Variants in NEMP2 observed in about 807,000 individuals in gnomAD.
NEMP2 encodes UPF0571 transmembrane protein.
A neutral mutation model predicts 54.2 loss-of-function variants in NEMP2; 53 were observed. The observed-to-expected ratio is 0.98, with a 90% CI of 0.78 to 1.23. NEMP2 has a LOEUF of 1.23. Among genes scored for constraint, NEMP2 ranks in the 50% most tolerant of loss-of-function variants. The pLI, the probability that NEMP2 is intolerant of heterozygous loss-of-function variation, is 0.00. For synonymous variants in NEMP2, 197 were observed against 190.3 expected (o/e 1.04, Z -0.29); for missense variants, 455 against 511.3 (o/e 0.89, Z 1.06).
chr2:190,558,574 T>C, the NEMP2 span, among the ~76,000 whole-genome samples: 2 of 152,242 alleles, frequency 1.3e-5, no homozygotes, highest in Non-Finnish European at 2.9e-5. The surrounding 1 kb of genome is among the most constrained non-coding windows in gnomAD (Gnocchi z 4.4). Flanking sequence ...AAAATTGTTA[T>C]AGCTGGTAAT....
At chr2:190,627,275 G>C in the NEMP2 span, among the ~76,000 whole-genome samples, 1 of 152,166 alleles carries the variant, frequency 6.6e-6, no homozygotes, top group East Asian at 1.9e-4. This position sits in a 1 kb window ranked among gnomAD's most constrained non-coding sequence, Gnocchi z 4.4. Context: ...ACTTTTCTTT[G>C]ACTATATGGC....
chr2:190,637,210 A>G, the NEMP2 span, among the ~76,000 whole-genome samples: 1 of 152,266 alleles, frequency 6.6e-6, no homozygotes, highest in Non-Finnish European at 1.5e-5. This position sits in a 1 kb window ranked among gnomAD's most constrained non-coding sequence, Gnocchi z 4.5. Context: ...GTGCAGTTCA[A>G]TGATTACAAA....
At chr2:190,534,483 A>G in intron 1 of NEMP2, 76 bp downstream of exon 1, 2 of 1,296,904 alleles carry the variant, frequency 1.5e-6, no homozygotes, top group Non-Finnish European at 1.9e-6. Context: ...CGGGCCAAAG[A>G]GCGCGCCCTC....
chr2:190,448,145 C>A, the NEMP2 span, among the ~76,000 whole-genome samples: 133,787 of 152,178 alleles, frequency 0.88, 59,622 homozygotes, highest in East Asian at 1. Context: ...GACTGCCACC[C>A]TCTAACAGGC....
the NEMP2 span, among the ~76,000 whole-genome samples, chr2:190,576,412 G>C: frequency 1.3e-5 from 2 of 152,276 alleles, no homozygotes; most frequent in East Asian, 3.9e-4. Context: ...CAGCTTTCAA[G>C]GTTTGTTGAT....
At chr2:190,634,764 C>T in the NEMP2 span, among the ~76,000 whole-genome samples, 1 of 152,232 alleles carries the variant, frequency 6.6e-6, no homozygotes, top group African/African-American at 2.4e-5. The surrounding 1 kb of genome is among the most constrained non-coding windows in gnomAD (Gnocchi z 6.8). Flanking sequence ...CTACTGCTGT[C>T]AGCTAGACCC....
At chr2:190,562,784 A>G in the NEMP2 span, among the ~76,000 whole-genome samples, 1 of 152,190 alleles carries the variant, frequency 6.6e-6, no homozygotes, top group Non-Finnish European at 1.5e-5. This position sits in a 1 kb window ranked among gnomAD's most constrained non-coding sequence, Gnocchi z 5.0. Context: ...CACATAGGGA[A>G]AGAAAAGTAC....
Position 190,510,415 on chromosome 2 carries a change from CGGCAGGCCCG to C in NEMP2, c.1066_1075del (p.Arg356GlufsTer66), listed in dbSNP as rs771378858. The stretch of plus-strand genomic sequence containing the variant: ...CAGCCATGAGGGAAAGTCGGGTTTT[CGGCAGGCCCG>C]GCGTAGCTCCTCCAGAGCACTGTTC... On this transcript the variant is annotated frameshift_variant, in exon 8 of 9. Coordinates refer to ENST00000409150, the MANE Select transcript of NEMP2 (RefSeq NM_001142645.2). LOFTEE classifies it high-confidence loss of function. The surrounding 1 kb of genome is among the most constrained non-coding windows in gnomAD (Gnocchi z 5.7). 4.5e-6 allele frequency: 7 copies of C among 1,551,716 alleles called. No individual in the cohort carries two copies. The South Asian group carries it at 8.3e-5, about 18-fold the overall frequency.
the NEMP2 span, among the ~76,000 whole-genome samples, chr2:190,635,130 T>C: frequency 1.3e-5 from 2 of 152,360 alleles, no homozygotes; most frequent in African/African-American, 4.8e-5. This position sits in a 1 kb window ranked among gnomAD's most constrained non-coding sequence, Gnocchi z 4.1. Flanking sequence ...CAGGCTACCA[T>C]TGCAGCAACA....
At chr2:190,443,932 G>A in the NEMP2 span, among the ~76,000 whole-genome samples, 4 of 152,112 alleles carry the variant, frequency 2.6e-5, no homozygotes, top group African/African-American at 9.7e-5. The surrounding 1 kb of genome is among the most constrained non-coding windows in gnomAD (Gnocchi z 4.2). Context: ...CACGCCTGTA[G>A]TCCCAGTTAC....
chr2:190,437,367 G>GTA, the NEMP2 span: 1 of 1,614,262 alleles, frequency 6.2e-7, no homozygotes, highest in African/African-American at 1.3e-5. This position sits in a 1 kb window ranked among gnomAD's most constrained non-coding sequence, Gnocchi z 5.9. Context: ...GCAGCGTGCA[G>GTA]TATGGCTCAG....
chr2:190,487,680 A>G, the NEMP2 span, among the ~76,000 whole-genome samples: 5 of 152,226 alleles, frequency 3.3e-5, no homozygotes, highest in African/African-American at 1.2e-4. The surrounding 1 kb of genome is among the most constrained non-coding windows in gnomAD (Gnocchi z 5.5). Context: ...AGGGGAAAGC[A>G]AATCAACAAC....
the NEMP2 span, among the ~76,000 whole-genome samples, chr2:190,573,488 T>A: frequency 1.5e-3 from 223 of 152,278 alleles, no homozygotes; most frequent in Middle Eastern, 3.4e-3. Flanking sequence ...GGTTTGTCTC[T>A]TTTCCCTCCC....
rs1690487538 is a variant in NEMP2, at chr2:190,514,599, A to C, written c.807T>G (p.Ser269Arg). 2 of 1,551,742 alleles carry C rather than the reference A, an allele frequency of 1.3e-6. No individual in the cohort carries two copies. Among genetic ancestry groups the C allele is most frequent in the South Asian group, 2.4e-5 (2 of 84,058 alleles). Residue 269 changes from serine to arginine, a missense_variant, in exon 7 of 9, where the codon AGT becomes AGG. By Grantham distance (110) the Ser-to-Arg change is moderately radical. Coordinates refer to ENST00000409150, the MANE Select transcript of NEMP2 (RefSeq NM_001142645.2). This position sits in a 1 kb window ranked among gnomAD's most constrained non-coding sequence, Gnocchi z 5.7. ...HGPLADDRSR[S>R]LLMWMLRLLS... ...GGAGTCGCAGCATCCACATCAGAAG[A>C]CTTCTGCTCCTGTCGTCTGCAAGGG... is the stretch of plus-strand genomic sequence containing the variant.
the NEMP2 span, among the ~76,000 whole-genome samples, chr2:190,611,878 G>A: frequency 3.7e-4 from 56 of 152,298 alleles, no homozygotes; most frequent in African/African-American, 1.2e-3. This position sits in a 1 kb window ranked among gnomAD's most constrained non-coding sequence, Gnocchi z 5.4. Context: ...TGTACTAGGT[G>A]TGGAGCCTTG....
the NEMP2 span, chr2:190,489,785 C>A: frequency 3.7e-6 from 6 of 1,614,070 alleles, no homozygotes; most frequent in Non-Finnish European, 5.1e-6. The surrounding 1 kb of genome is among the most constrained non-coding windows in gnomAD (Gnocchi z 6.6). Context: ...TGCAACCTTC[C>A]GAGGAATTGG....
At chr2:190,631,614 T>C in the NEMP2 span, among the ~76,000 whole-genome samples, 16 of 152,386 alleles carry the variant, frequency 1.0e-4, no homozygotes, top group African/African-American at 3.6e-4. Context: ...TTGCAGAATA[T>C]TTGGATAATA....
rs114339615 is a variant in NEMP2, at chr2:190,507,254, T to C, written c.*1935A>G. On this transcript the variant is annotated 3_prime_UTR_variant, in exon 9 of 9. Coordinates refer to ENST00000409150, the MANE Select transcript of NEMP2 (RefSeq NM_001142645.2). The surrounding 1 kb of genome is among the most constrained non-coding windows in gnomAD (Gnocchi z 4.4). ...CTCAAGGACTGCTGTTGTTCTTCTC[T>C]CTTTGGCTGTTTTTACTGTGATGGT... The C allele has an allele frequency of 9.4e-3, 1,433 of 152,306 alleles. 7 individuals are homozygous for C. The highest frequency in any genetic ancestry group is 0.024 in the Middle Eastern group (7 of 294). The allele number at this position is 152,306 out of a possible 1,614,324, so 9.4% of individuals were successfully genotyped here.
In NEMP2 at chr2:190,504,550, G is replaced by T. The variant is rs1467995411; in HGVS notation, c.*4639C>A. The T allele has an allele frequency of 6.6e-6, 1 of 152,074 alleles. No homozygotes were observed. The highest frequency in any genetic ancestry group is 6.5e-5 in the Admixed American group (1 of 15,268). The allele number at this position is 152,074 out of a possible 1,614,324, so 9.4% of individuals were successfully genotyped here. A position where few individuals can be genotyped will look rare whatever the true frequency, so the allele number is the denominator to read the frequency against. On this transcript the variant is annotated 3_prime_UTR_variant, in exon 9 of 9. Transcript: ENST00000409150. The surrounding 1 kb of genome is among the most constrained non-coding windows in gnomAD (Gnocchi z 5.6). ...CTTAAGTTGAAGAGGATGGAAAAAA[G>T]TGATGATGGTGACAATTCCATAAAG...
Sources: allele counts gnomAD v4.1 joint callset (sites outside exome capture counted in the v4.1 genomes callset), GRCh38; gene constraint gnomAD v4.1.1; non-coding constraint Gnocchi (gnomAD v3.1); transcripts MANE v1.5; gene names NCBI Gene and HGNC (gene_info 2026-07-23, HGNC 2026-07-21).